ALDH1L2: variants seen among roughly 807,000 people sequenced by gnomAD.
ALDH1L2 encodes the protein aldehyde dehydrogenase 1 family member L2, also known as mitochondrial 10-formyltetrahydrofolate dehydrogenase.
Under a neutral mutation model 111.0 loss-of-function variants are expected in ALDH1L2, and 91 were observed. The observed-to-expected ratio is 0.82, with a 90% confidence interval of 0.69 to 0.98. The LOEUF is 0.98. Ranked by LOEUF, ALDH1L2 falls within the 50% of genes least tolerant of loss-of-function variation. ALDH1L2 has a pLI of 0.00. For missense variants in ALDH1L2, 995 were observed against 1,126.8 expected, an observed-to-expected ratio of 0.88 and a Z score of 1.67; for synonymous variants, 374 against 392.6, an observed-to-expected ratio of 0.95 and a Z score of 0.56.
rs1874193594 is a variant in ALDH1L2 at position 105,022,145 on chromosome 12, A to G, written c.*2279T>C. 1 of 152,224 alleles carries G rather than the reference A, an allele frequency of 6.6e-6. No homozygotes were observed. The highest frequency in any genetic ancestry group is 1.5e-5 in the Non-Finnish European group (1 of 68,042). 9.4% of individuals were successfully genotyped at this position (152,224 alleles called of 1,614,324 possible). ...CTGGGGAGGGTGATGTTCCAATTCC[A>G]GTTCACTTGGTAACTTTATGTATTA... On this transcript the variant is annotated 3_prime_UTR_variant, in exon 23 of 23. Coordinates refer to ENST00000258494, the MANE Select transcript of ALDH1L2 (RefSeq NM_001034173.4).
intron 22 of ALDH1L2, 32 bp from the exon 23 acceptor site, chr12:105,024,511 A>T: frequency 6.2e-7 from 1 of 1,604,274 alleles, no homozygotes; most frequent in Non-Finnish European, 8.5e-7. Context: ...GACAGACCAC[A>T]TTCAGAGGCA....
chr12:105,081,496 A>G (rs1237029813), intron 1 of ALDH1L2, among the ~76,000 whole-genome samples: 1 of 152,226 alleles, frequency 6.6e-6, no homozygotes, highest in Non-Finnish European at 1.5e-5. Context: ...GCCAGGCTAT[A>G]AACCCAGAGC....
chr12:105,039,798 C>T lies in ALDH1L2; in HGVS notation c.1960G>A (p.Ala654Thr), dbSNP rs750885229. 1.2e-6 allele frequency: 2 copies of T among 1,613,902 alleles called. No homozygotes were observed. Among genetic ancestry groups the T allele is most frequent in the Non-Finnish European group, 1.7e-6 (2 of 1,179,886 alleles). The change falls in exon 17 of 23, where the codon GCA becomes ACA. Residue 654 changes from alanine (A) to threonine (T), a missense_variant. By Grantham distance (58) the Ala-to-Thr change is moderately conservative. Coordinates refer to ENST00000258494, the MANE Select transcript of ALDH1L2 (RefSeq NM_001034173.4). ...INIIPGSGGI[A>T]GQRLSEHPDI... ...GGATGTTCAGACAGACGTTGTCCTG[C>T]TATGCCACCTGTAGAATTAGGGAAT... is the stretch of plus-strand genomic sequence containing the variant.
intron 1 of ALDH1L2, among the ~76,000 whole-genome samples, chr12:105,076,880 C>A (rs1878076726): frequency 1.3e-5 from 2 of 152,294 alleles, no homozygotes; most frequent in Non-Finnish European, 2.9e-5. Flanking sequence ...CATCTTTAAT[C>A]CCCCCAGTGA....
chr12:105,038,279 A>AACACACACACACAC (rs555214940), intron 17 of ALDH1L2, 77 bp from the exon 18 acceptor site: 1 of 233,184 alleles, frequency 4.3e-6, no homozygotes, highest in Non-Finnish European at 8.5e-6. Context: ...CACACACACA[A>AACACACACACACAC]ACACACACAC....
intron 10 of ALDH1L2, among the ~76,000 whole-genome samples, chr12:105,054,125 A>C (rs192297807): frequency 1.8e-4 from 28 of 152,304 alleles, no homozygotes; most frequent in Admixed American, 1.6e-3. Flanking sequence ...ACTGTGGCTT[A>C]GGGAAGTTAA....
intron 18 of ALDH1L2, among the ~76,000 whole-genome samples, chr12:105,037,560 C>A (rs1223850020): frequency 6.6e-6 from 1 of 152,114 alleles, no homozygotes; most frequent in African/African-American, 2.4e-5. Context: ...TTTTACATGC[C>A]TGCTATGACT....
chr12:105,043,307 T>G (rs10861318), intron 15 of ALDH1L2, among the ~76,000 whole-genome samples: 55,891 of 151,786 alleles, frequency 0.37, 10,483 homozygotes, highest in South Asian at 0.53. Context: ...TTGTAAAATG[T>G]ACAAGTGGCC....
intron 18 of ALDH1L2, among the ~76,000 whole-genome samples, chr12:105,035,837 A>G (rs7298425): frequency 0.33 from 31,052 of 95,406 alleles, 6,974 homozygotes; most frequent in East Asian, 0.64. Flanking sequence ...ATATATATAT[A>G]TATGTGTGTG....
chr12:105,059,182 G>A (rs527447447), intron 9 of ALDH1L2, among the ~76,000 whole-genome samples: 18 of 151,880 alleles, frequency 1.2e-4, no homozygotes, highest in South Asian at 8.3e-4. Flanking sequence ...CAGGAGAATC[G>A]CTTGAACCTG....
chr12:105,078,897 A>T (rs1744095093), intron 1 of ALDH1L2, among the ~76,000 whole-genome samples: 1 of 152,202 alleles, frequency 6.6e-6, no homozygotes. Context: ...AAACAAATGC[A>T]TGTGCACAGC....
chr12:105,075,841 A>G (rs1878024440), intron 1 of ALDH1L2, among the ~76,000 whole-genome samples: 1 of 152,030 alleles, frequency 6.6e-6, no homozygotes, highest in Admixed American at 6.6e-5. Context: ...GCTGGAGTGA[A>G]GTGGTGCAAT....
chr12:105,052,446 T>C (rs774585546), intron 11 of ALDH1L2, among the ~76,000 whole-genome samples: 2 of 152,156 alleles, frequency 1.3e-5, no homozygotes, highest in African/African-American at 2.4e-5. Flanking sequence ...GAAGAACACA[T>C]TTAGGAAGAT....
At chr12:105,035,004 A>ATAAAT (rs1874908052) in intron 18 of ALDH1L2, among the ~76,000 whole-genome samples, 1 of 152,016 alleles carries the variant, frequency 6.6e-6, no homozygotes, top group African/African-American at 2.4e-5. Flanking sequence ...AAATAAATAA[A>ATAAAT]AGAAAATCTA....
At chr12:105,027,176 G>A (rs1249261184) in intron 21 of ALDH1L2, among the ~76,000 whole-genome samples, 2 of 152,200 alleles carry the variant, frequency 1.3e-5, no homozygotes, top group African/African-American at 2.4e-5. Context: ...CGCCCAGCCT[G>A]ATTAAATTTT....
chr12:105,074,799 G>A (rs1415239196), intron 1 of ALDH1L2, among the ~76,000 whole-genome samples: 1 of 152,000 alleles, frequency 6.6e-6, no homozygotes, highest in Non-Finnish European at 1.5e-5. Flanking sequence ...GACTTAAAAG[G>A]ATACCAGATC....
At chr12:105,032,796 C>T (rs984478378) in intron 19 of ALDH1L2, among the ~76,000 whole-genome samples, 1 of 150,252 alleles carries the variant, frequency 6.7e-6, no homozygotes, top group Non-Finnish European at 1.5e-5. Flanking sequence ...CACATACTTA[C>T]ACTGTTCATG....
intron 15 of ALDH1L2, among the ~76,000 whole-genome samples, chr12:105,044,260 A>G (rs1022909628): frequency 3.9e-5 from 6 of 152,136 alleles, no homozygotes; most frequent in African/African-American, 1.4e-4. Flanking sequence ...TGGACATTAT[A>G]TATACTCATT....
At chr12:105,037,627 A>T (rs1875236182) in intron 18 of ALDH1L2, among the ~76,000 whole-genome samples, 1 of 152,232 alleles carries the variant, frequency 6.6e-6, no homozygotes, top group Non-Finnish European at 1.5e-5. Flanking sequence ...TATTTTTAAA[A>T]ACTAAGTGCT....
Sources: allele counts gnomAD v4.1 joint callset (sites outside exome capture counted in the v4.1 genomes callset), GRCh38; gene constraint gnomAD v4.1.1; transcripts MANE v1.5; gene names NCBI Gene and HGNC (gene_info 2026-07-23, HGNC 2026-07-21).